Variants in CNTN5 observed in about 807,000 individuals in gnomAD.
The protein encoded by CNTN5 is contactin-5.
A neutral mutation model predicts 129.1 loss-of-function variants in CNTN5; 77 were observed. The ratio of observed to expected loss-of-function variants is 0.60; its 90% CI spans 0.50 to 0.72. CNTN5 has a LOEUF of 0.72. CNTN5 is among the 30% of genes least tolerant of loss of function. The pLI, the probability that CNTN5 is intolerant of heterozygous loss-of-function variation, is 0.00. For synonymous variants in CNTN5, 509 were observed against 465.6 expected, an observed-to-expected ratio of 1.09 and a Z score of -1.20; for missense variants, 1,478 against 1,328.8, an observed-to-expected ratio of 1.11 and a Z score of -1.75.
intron 3 of CNTN5, among the ~76,000 whole-genome samples, chr11:99,674,715 C>CA (rs959070369): frequency 6.6e-6 from 1 of 152,124 alleles, no homozygotes; most frequent in Admixed American, 6.6e-5. Flanking sequence ...AATAACCCCA[C>CA]AAAAAATCCC....
rs972480218 is a variant in CNTN5 at position 99,707,485 on chromosome 11, C to T, written c.56-112059C>T. On this transcript the variant is annotated intron_variant, in intron 3 of 24. Transcript: ENST00000524871. ...CTACACATTTACTTGTGCATTAATT[C>T]GTAAAAAAATGAATTACACTGGAGT... is the stretch of plus-strand genomic sequence containing the variant. Among the ~76,000 whole-genome samples, 20 of 151,572 alleles carry T rather than the reference C, an allele frequency of 1.3e-4. No individual in the cohort carries two copies. The South Asian group carries it at 3.1e-3, about 24-fold the overall frequency.
chr11:100,071,124 GT>G (rs1347889439), intron 11 of CNTN5, among the ~76,000 whole-genome samples: 1 of 151,604 alleles, frequency 6.6e-6, no homozygotes, highest in Non-Finnish European at 1.5e-5. Flanking sequence ...TCAATTTTTT[GT>G]TTTTTATACT....
intron 3 of CNTN5, among the ~76,000 whole-genome samples, chr11:99,723,580 T>C (rs1943242547): frequency 1.3e-5 from 2 of 152,192 alleles, no homozygotes; most frequent in Non-Finnish European, 2.9e-5. Context: ...CTCCAAAGCA[T>C]TTACTGCCAT....
chr11:99,152,666 C>A (rs74487946), intron 1 of CNTN5, among the ~76,000 whole-genome samples: 5,746 of 152,264 alleles, frequency 0.038, 244 homozygotes, highest in African/African-American at 0.099. Context: ...GTGATATGTG[C>A]AGATTTGATC....
At chr11:100,232,976 T>C (rs1392032243) in intron 16 of CNTN5, among the ~76,000 whole-genome samples, 1 of 152,216 alleles carries the variant, frequency 6.6e-6, no homozygotes, top group African/African-American at 2.4e-5. Context: ...CGTACTATTT[T>C]TAGTTCCATT....
chr11:99,824,652 A>T (rs1045689331), intron 4 of CNTN5, among the ~76,000 whole-genome samples: 3 of 151,976 alleles, frequency 2.0e-5, no homozygotes, highest in South Asian at 2.1e-4. Context: ...GTCCTAAAAA[A>T]AACCCTTTTT....
intron 16 of CNTN5, among the ~76,000 whole-genome samples, chr11:100,245,561 T>C (rs555623669): frequency 6.6e-6 from 1 of 152,072 alleles, no homozygotes; most frequent in African/African-American, 2.4e-5. Context: ...GAGTGAATAT[T>C]AGGGAGTCAA....
At chr11:99,447,720 T>A (rs933393611) in intron 2 of CNTN5, among the ~76,000 whole-genome samples, 1 of 151,986 alleles carries the variant, frequency 6.6e-6, no homozygotes, top group African/African-American at 2.4e-5. Flanking sequence ...AGGTCAGGAG[T>A]TCGAGACCAG....
intron 3 of CNTN5, among the ~76,000 whole-genome samples, chr11:99,753,801 C>G (rs759171454): frequency 6.7e-6 from 1 of 149,980 alleles, no homozygotes; most frequent in Non-Finnish European, 1.5e-5. Context: ...AATTCTCATG[C>G]CTCAGCCTCC....
chr11:99,951,049 C>G (rs1460028411), intron 7 of CNTN5, among the ~76,000 whole-genome samples: 1 of 151,852 alleles, frequency 6.6e-6, no homozygotes, highest in East Asian at 1.9e-4. Flanking sequence ...TTTAACCTTC[C>G]CTTTCTTCCA....
intron 8 of CNTN5, among the ~76,000 whole-genome samples, chr11:99,986,847 C>CA (rs1480025526): frequency 4.0e-5 from 6 of 151,638 alleles, no homozygotes; most frequent in Non-Finnish European, 8.8e-5. Flanking sequence ...AAAGGGAATC[C>CA]AAAATAAAGT....
intron 1 of CNTN5, among the ~76,000 whole-genome samples, chr11:99,222,989 CT>C (rs898585552): frequency 1.1e-4 from 16 of 152,126 alleles, no homozygotes; most frequent in African/African-American, 3.4e-4. Flanking sequence ...TCATGGCCCT[CT>C]AAATCTCTGC....
At position 99,388,943 on chromosome 11, in the gene CNTN5, A is replaced by T. The variant is rs1941078918; in HGVS notation, c.-71+63459A>T. On this transcript the variant is annotated intron_variant, in intron 2 of 24. Transcript: ENST00000524871. ...TGCCTAGGACTAAAACAAAGAAGAAATATCTTTAACTCAATTTAAGACACC... is the reference window on the plus strand; with the variant it reads ...TGCCTAGGACTAAAACAAAGAAGAATTATCTTTAACTCAATTTAAGACACC... Among the ~76,000 whole-genome samples the T allele has an allele frequency of 2.0e-5, 3 of 151,860 alleles. No individual in the cohort carries two copies. The South Asian group carries it at 6.2e-4, about 32-fold the overall frequency.
At chr11:99,374,820 A>G (rs991172384) in intron 2 of CNTN5, among the ~76,000 whole-genome samples, 89 of 141,244 alleles carry the variant, frequency 6.3e-4, no homozygotes, top group Middle Eastern at 4.0e-3. Flanking sequence ...GGTGCCACCA[A>G]ATGCAATAGA....
rs893703350 is a variant in CNTN5 at position 100,116,988 on chromosome 11, T to A, written c.1580+42694T>A. The stretch of plus-strand genomic sequence containing the variant: ...GAAGAAATTCTCAGCTTCTCTGATT[T>A]CTTTCCAGCCAGTAAATGTGTCTAT... On this transcript the variant is annotated intron_variant, in intron 13 of 24. Transcript: ENST00000524871. 2.0e-5 allele frequency among the ~76,000 whole-genome samples: 3 copies of A among 152,130 alleles called. No homozygotes were observed. In the South Asian group the frequency reaches 6.2e-4, roughly 32 times the overall value.
At chr11:99,361,931 A>T (rs1939137650) in intron 2 of CNTN5, among the ~76,000 whole-genome samples, 1 of 152,088 alleles carries the variant, frequency 6.6e-6, no homozygotes. Flanking sequence ...GCCTATTATG[A>T]ATAACACTGC....
intron 7 of CNTN5, among the ~76,000 whole-genome samples, chr11:99,924,693 T>A (rs1426844942): frequency 6.6e-6 from 1 of 152,144 alleles, no homozygotes; most frequent in Admixed American, 6.6e-5. Flanking sequence ...GCCCTCTTTT[T>A]ACTTTCACCT....
At chr11:99,733,384 A>G (rs1448718423) in intron 3 of CNTN5, among the ~76,000 whole-genome samples, 1 of 149,048 alleles carries the variant, frequency 6.7e-6, no homozygotes, top group African/African-American at 2.5e-5. Flanking sequence ...TGGTTTCACT[A>G]TGTCTCATTG....
chr11:100,169,636 T>C (rs1565309599), intron 13 of CNTN5, among the ~76,000 whole-genome samples: 2 of 152,126 alleles, frequency 1.3e-5, no homozygotes, highest in South Asian at 2.1e-4. Flanking sequence ...CACAGTATAG[T>C]ATAACAATAA....
Sources: gnomAD v4.1 joint callset for allele counts (sites outside exome capture counted in the v4.1 genomes callset) on GRCh38, gnomAD v4.1.1 for gene constraint, MANE v1.5 for transcripts, NCBI Gene and HGNC (gene_info 2026-07-23, HGNC 2026-07-21) for gene names.